The following RASGRF1 variants were observed in gnomAD, a reference collection of about 807,000 sequenced individuals.
RASGRF1 encodes ras-specific guanine nucleotide-releasing factor 1.
Under a neutral mutation model 138.7 loss-of-function variants are expected in RASGRF1, and 40 were observed. That is an observed-to-expected ratio of 0.29 (90% CI 0.22 to 0.38). RASGRF1 has a LOEUF of 0.38. Ranked by LOEUF, RASGRF1 falls within the 10% of genes least tolerant of loss-of-function variation. The pLI is 1.00. For synonymous variants in RASGRF1, 614 were observed against 663.2 expected, an observed-to-expected ratio of 0.93 and a Z score of 1.14; for missense variants, 1,108 against 1,650.4, an observed-to-expected ratio of 0.67 and a Z score of 5.69.
intron 3 of RASGRF1, among the ~76,000 whole-genome samples, chr15:79,055,571 G>GAC (rs143472188): frequency 0.1 from 15,287 of 149,532 alleles, 841 homozygotes; most frequent in Admixed American, 0.13. Flanking sequence ...GCCATTTTGA[G>GAC]ACACACACAC....
Position 79,035,189 on chromosome 15 carries a change from A to G in RASGRF1, c.900T>C (p.His300=). 1 of 1,613,512 alleles carries G rather than the reference A, an allele frequency of 6.2e-7. No homozygotes were observed. The highest frequency in any genetic ancestry group is 8.5e-7 in the Non-Finnish European group (1 of 1,179,740). ...CCTTCAGGCCTTGGTAAAAGATCTG[A>G]TGTAAAAACATGATGGTTTCGCTGA... The part of the protein sequence containing the change: ...FLNSETIMFL[H]QIFYQGLKAR... Residue 300 remains histidine, a synonymous_variant, in exon 6 of 27, where the codon CAT becomes CAC. Transcript: ENST00000558480.
At chr15:79,088,526 AC>A (rs2058011578) in intron 1 of RASGRF1, among the ~76,000 whole-genome samples, 1 of 152,204 alleles carries the variant, frequency 6.6e-6, no homozygotes, top group African/African-American at 2.4e-5. Flanking sequence ...GTCTGCCTTC[AC>A]GTCCAGGGGG....
intron 3 of RASGRF1, 41 bp downstream of exon 3, chr15:79,058,290 ATGT>A (rs1320944483): frequency 4.4e-6 from 7 of 1,590,264 alleles, no homozygotes; most frequent in Non-Finnish European, 6.0e-6. Flanking sequence ...AGGGTTTGAG[ATGT>A]TGTGCCTAGG....
chr15:78,970,584 C>T (rs1187082962), intron 26 of RASGRF1, among the ~76,000 whole-genome samples: 2 of 136,732 alleles, frequency 1.5e-5, no homozygotes, highest in African/African-American at 5.6e-5. Flanking sequence ...GATTGTACCA[C>T]TGCAGTCCAG....
Position 79,022,225 on chromosome 15 carries a change from A to C in RASGRF1, c.1543-2121T>G, listed in dbSNP as rs894472243. Among the ~76,000 whole-genome samples, 104 of 152,142 alleles carry C rather than the reference A, an allele frequency of 6.8e-4. 1 individual carries two copies. Among genetic ancestry groups the C allele is most frequent in the Non-Finnish European group, 4.0e-4 (27 of 68,014 alleles). Reference sequence around the variant, plus strand: ...GAGGCTGAGGCTGGTGGATCACCTGAGGTCAGGAGTTTGAGACCAGCCTGA... The same window carrying C: ...GAGGCTGAGGCTGGTGGATCACCTGCGGTCAGGAGTTTGAGACCAGCCTGA... On this transcript the variant is annotated intron_variant, in intron 10 of 26. Transcript: ENST00000558480.
intron 26 of RASGRF1, among the ~76,000 whole-genome samples, chr15:78,962,609 G>A (rs764829788): frequency 2.3e-4 from 35 of 152,178 alleles, no homozygotes; most frequent in Non-Finnish European, 3.4e-4. Context: ...AAGGCTGGGC[G>A]TGGTGGCTCA....
chr15:79,053,125 T>TGTGGTGGC (rs1275358710), intron 3 of RASGRF1, among the ~76,000 whole-genome samples: 1 of 151,808 alleles, frequency 6.6e-6, no homozygotes, highest in East Asian at 1.9e-4. Flanking sequence ...ATTAGCTGGG[T>TGTGGTGGC]GTGGTGGCGC....
intron 1 of RASGRF1, among the ~76,000 whole-genome samples, chr15:79,079,269 C>T (rs1227693530): frequency 6.6e-6 from 1 of 152,194 alleles, no homozygotes. Context: ...CCCTTTTCAA[C>T]AGCCCCTTTT....
intron 3 of RASGRF1, among the ~76,000 whole-genome samples, chr15:79,056,646 G>A (rs1164456609): frequency 1.3e-5 from 2 of 152,228 alleles, no homozygotes; most frequent in African/African-American, 4.8e-5. Flanking sequence ...GGGAATGAAA[G>A]TATGTCGTGA....
chr15:78,991,701 T>C lies in RASGRF1; in HGVS notation c.3121A>G (p.Ile1041Val). 6.2e-7 allele frequency: 1 copy of C among 1,613,774 alleles called. No individual in the cohort carries two copies. The highest frequency in any genetic ancestry group is 8.5e-7 in the Non-Finnish European group (1 of 1,179,738). ...TLLDHLVFKK[I>V]PYEEFFGQGW... ...GCCTGCAACACTTACTCATAAGGAA[T>C]CTTCTTGAAGACGAGGTGATCTAGC... The change falls in exon 21 of 27, where the codon ATT becomes GTT. Residue 1041 changes from isoleucine to valine, a missense_variant. Ile to Val is a conservative substitution (Grantham distance 29). This residue lies in a region of RASGRF1 where 686 missense variants were observed against 976.7 expected (regional missense o/e 0.70). Coordinates refer to ENST00000558480, the MANE Select transcript of RASGRF1 (RefSeq NM_001145648.3).
intron 5 of RASGRF1, among the ~76,000 whole-genome samples, chr15:79,043,747 C>A (rs2057325303): frequency 6.6e-6 from 1 of 152,160 alleles, no homozygotes; most frequent in East Asian, 1.9e-4. Context: ...TGGAGGATGC[C>A]ACTCATCTTT....
intron 10 of RASGRF1, among the ~76,000 whole-genome samples, chr15:79,024,040 A>AAC (rs372130368): frequency 0.082 from 12,060 of 146,358 alleles, 1,055 homozygotes; most frequent in African/African-American, 0.23. Flanking sequence ...CACACATACA[A>AAC]ACACACACAC....
rs1595975088 is a variant in RASGRF1, at chr15:79,079,824, T to G, written c.276+10399A>C. Among the ~76,000 whole-genome samples the G allele has an allele frequency of 2.0e-5, 3 of 152,304 alleles. No homozygotes were observed. In the South Asian group the frequency reaches 6.2e-4, roughly 32 times the overall value. On this transcript the variant is annotated intron_variant, in intron 1 of 26. Transcript: ENST00000558480. ...TTAAAATAAAAGAAAGCAATGGCTA[T>G]TTAAGAGGGTCCAATTGACCTTCCA... is the stretch of plus-strand genomic sequence containing the variant.
intron 2 of RASGRF1, among the ~76,000 whole-genome samples, chr15:79,063,655 G>A (rs1396504494): frequency 2.6e-5 from 4 of 152,170 alleles, no homozygotes; most frequent in African/African-American, 9.7e-5. Flanking sequence ...GCCCTCAGGA[G>A]CTTCCATTTT....
intron 3 of RASGRF1, among the ~76,000 whole-genome samples, chr15:79,049,923 T>C (rs1320626827): frequency 6.6e-6 from 1 of 152,244 alleles, no homozygotes; most frequent in Non-Finnish European, 1.5e-5. Flanking sequence ...GGCCTAAATC[T>C]GTGGTTCTCC....
At chr15:79,011,189 C>T (rs2056788918) in intron 13 of RASGRF1, among the ~76,000 whole-genome samples, 2 of 152,116 alleles carry the variant, frequency 1.3e-5, no homozygotes, top group African/African-American at 4.8e-5. Context: ...GAATAAAGCC[C>T]CACTCCTTGC....
At chr15:78,983,391 C>G (rs555639819) in intron 23 of RASGRF1, among the ~76,000 whole-genome samples, 8 of 152,230 alleles carry the variant, frequency 5.3e-5, no homozygotes, top group Non-Finnish European at 1.2e-4. Context: ...TGACCACTGA[C>G]TGTCCTTGAT....
intron 5 of RASGRF1, among the ~76,000 whole-genome samples, chr15:79,039,624 T>A (rs1737676952): frequency 6.6e-6 from 1 of 152,236 alleles, no homozygotes; most frequent in South Asian, 2.1e-4. Context: ...CATCTTTTCA[T>A]CCAGGTGCAT....
chr15:79,040,744 A>G (rs745964828), intron 5 of RASGRF1, among the ~76,000 whole-genome samples: 2 of 152,254 alleles, frequency 1.3e-5, no homozygotes, highest in Non-Finnish European at 2.9e-5. Flanking sequence ...CACTTTTATC[A>G]TATGTTCTAT....
Sources: allele counts gnomAD v4.1 joint callset (sites outside exome capture counted in the v4.1 genomes callset), GRCh38; gene constraint gnomAD v4.1.1; regional missense constraint gnomAD v4.1.1; transcripts MANE v1.5; gene names NCBI Gene and HGNC (gene_info 2026-07-23, HGNC 2026-07-21).